The following NAV2 variants were observed in gnomAD, a reference collection of about 807,000 sequenced individuals.
The protein encoded by NAV2 is neuron navigator 2.
In NAV2, 54 loss-of-function variants were observed where a neutral mutation model predicts 223.2. The observed-to-expected ratio is 0.24, with a 90% confidence interval of 0.19 to 0.30. The LOEUF (loss-of-function observed/expected upper bound fraction) is 0.30. Among genes scored for constraint, NAV2 ranks in the 10% least tolerant of loss-of-function variants. The pLI, the probability that NAV2 is intolerant of heterozygous loss-of-function variation, is 1.00. For missense variants in NAV2, 2,806 were observed against 3,147.5 expected (o/e 0.89, Z 2.60); for synonymous variants, 1,279 against 1,239.3 (o/e 1.03, Z -0.67).
chr11:19,484,697 G>A (rs1414285485), intron 1 of NAV2, among the ~76,000 whole-genome samples: 1 of 152,162 alleles, frequency 6.6e-6, no homozygotes, highest in Non-Finnish European at 1.5e-5. Flanking sequence ...GCCAGCCCCT[G>A]AGCCCCCAGC....
intron 1 of NAV2, among the ~76,000 whole-genome samples, chr11:19,377,191 C>T (rs1274180770): frequency 6.6e-6 from 1 of 152,278 alleles, no homozygotes; most frequent in African/African-American, 2.4e-5. Flanking sequence ...GGGTGGATTG[C>T]ATTGCCCCAA....
chr11:20,072,802 C>T (rs932315381), intron 22 of NAV2, among the ~76,000 whole-genome samples: 1 of 152,160 alleles, frequency 6.6e-6, no homozygotes, highest in Admixed American at 6.6e-5. Flanking sequence ...TGAGATGTTG[C>T]TGAAGTTGCT....
chr11:19,356,822 ATT>A lies in NAV2; in HGVS notation c.75+5800_75+5801del, dbSNP rs537481935. On this transcript the variant is annotated intron_variant, in intron 1 of 37. Transcript: ENST00000360655. ...TCAATCAGCAGAAATGAATGCTGAT[ATT>A]TTTTATTTTGGCTTAATTTTCAACA... 1.4e-3 allele frequency among the ~76,000 whole-genome samples: 215 copies of A among 152,250 alleles called. 1 individual carries two copies. The highest frequency in any genetic ancestry group is 2.2e-3 in the Admixed American group (33 of 15,280).
chr11:19,710,607 G>T (rs2049835458), upstream of NAV2, among the ~76,000 whole-genome samples: 1 of 152,196 alleles, frequency 6.6e-6, no homozygotes. Flanking sequence ...TAATGCTTCT[G>T]CAGCTCCAGG....
At chr11:20,012,732 A>G (rs1245891499) in intron 11 of NAV2, among the ~76,000 whole-genome samples, 1 of 152,006 alleles carries the variant, frequency 6.6e-6, no homozygotes, top group Non-Finnish European at 1.5e-5. Context: ...GTTGTTGTCA[A>G]TACACTTTTA....
intron 1 of NAV2, among the ~76,000 whole-genome samples, chr11:19,807,024 T>C (rs1446999862): frequency 6.6e-6 from 1 of 152,030 alleles, no homozygotes; most frequent in Non-Finnish European, 1.5e-5. Context: ...TCTTAAAAGC[T>C]CCCCCAGGAA....
At chr11:19,562,363 T>A (rs2045129600) in intron 1 of NAV2, among the ~76,000 whole-genome samples, 1 of 152,142 alleles carries the variant, frequency 6.6e-6, no homozygotes, top group Admixed American at 6.5e-5. Context: ...ACAAGCAGAG[T>A]AGCCCCTGGG....
intron 36 of NAV2, among the ~76,000 whole-genome samples, chr11:20,108,648 C>T (rs1171919281): frequency 1.4e-5 from 2 of 139,782 alleles, no homozygotes; most frequent in African/African-American, 5.4e-5. Context: ...TACGGTGTTT[C>T]ACCATGTTGG....
intron 22 of NAV2, among the ~76,000 whole-genome samples, chr11:20,072,038 C>G (rs2059437030): frequency 6.6e-6 from 1 of 152,074 alleles, no homozygotes; most frequent in South Asian, 2.1e-4. Flanking sequence ...ATAGTATTGC[C>G]TAGGTTTTCT....
At chr11:20,045,758 T>G (rs2057366192) in intron 14 of NAV2, 88 bp downstream of exon 14, 1 of 1,127,104 alleles carries the variant, frequency 8.9e-7, no homozygotes. Flanking sequence ...AAGCACCCTC[T>G]GTTTTTCTCC....
chr11:20,068,287 C>T (rs2153637069), intron 21 of NAV2, 37 bp from the exon 22 acceptor site: 1 of 1,610,092 alleles, frequency 6.2e-7, no homozygotes, highest in Non-Finnish European at 8.5e-7. Flanking sequence ...GGAAATGGAC[C>T]CCCAAAGCAT....
intron 1 of NAV2, among the ~76,000 whole-genome samples, chr11:19,610,852 GTGGA>G (rs1434030814): frequency 2.0e-5 from 3 of 152,082 alleles, no homozygotes; most frequent in African/African-American, 7.2e-5. Flanking sequence ...TGGTGGGTGG[GTGGA>G]TGGATGCATT....
At position 19,842,853 on chromosome 11, in the gene NAV2, T is replaced by A; in HGVS notation, c.386-18T>A. 6.2e-7 allele frequency: 1 copy of A among 1,613,602 alleles called. No homozygotes were observed. Among genetic ancestry groups the A allele is most frequent in the Non-Finnish European group, 8.5e-7 (1 of 1,179,550 alleles). On this transcript the variant is annotated intron_variant, in intron 2 of 37. Coordinates refer to ENST00000349880, the MANE Select transcript of NAV2 (RefSeq NM_145117.5). ...CTCTCTGGTGATTTATTTTTCTGACTTGTGTTTCCTTTTTCAGCAAATGAA... is the reference window on the plus strand; with the variant it reads ...CTCTCTGGTGATTTATTTTTCTGACATGTGTTTCCTTTTTCAGCAAATGAA...
intron 1 of NAV2, among the ~76,000 whole-genome samples, chr11:19,491,123 T>C (rs12418988): frequency 0.12 from 17,842 of 152,082 alleles, 1,191 homozygotes; most frequent in East Asian, 0.22. Flanking sequence ...TCATTCCATT[T>C]ACTGAGCACA....
At chr11:19,611,554 G>C (rs571769125) in intron 1 of NAV2, among the ~76,000 whole-genome samples, 4 of 152,160 alleles carry the variant, frequency 2.6e-5, no homozygotes. Context: ...TTCCAAATGG[G>C]AGAAATTGGC....
chr11:19,798,323 TGCAGAGA>T (rs2058048830), intron 1 of NAV2, among the ~76,000 whole-genome samples: 2 of 152,250 alleles, frequency 1.3e-5, no homozygotes, highest in African/African-American at 4.8e-5. Context: ...TCTCTGCCAG[TGCAGAGA>T]GCTTGAAGCT....
intron 1 of NAV2, among the ~76,000 whole-genome samples, chr11:19,816,705 CA>C (rs759866807): frequency 1.3e-5 from 2 of 152,214 alleles, no homozygotes; most frequent in Non-Finnish European, 2.9e-5. Context: ...CCCTCCTAAG[CA>C]AAAGCTTCCA....
chr11:19,710,848 T>A (rs2049841322), upstream of NAV2: 1 of 152,242 alleles, frequency 6.6e-6, no homozygotes. Context: ...CATTCAATCA[T>A]TCATTCAGTA....
chr11:20,057,720 T>C (rs2058454171), intron 19 of NAV2, among the ~76,000 whole-genome samples: 1 of 152,182 alleles, frequency 6.6e-6, no homozygotes, highest in Non-Finnish European at 1.5e-5. Context: ...GTGAACCACG[T>C]CCAGTACTGA....
Sources: gnomAD v4.1 joint callset for allele counts (sites outside exome capture counted in the v4.1 genomes callset) on GRCh38, gnomAD v4.1.1 for gene constraint, MANE v1.5 for transcripts, NCBI Gene and HGNC (gene_info 2026-07-23, HGNC 2026-07-21) for gene names.